The following RREB1 variants were observed in gnomAD, a reference collection of about 807,000 sequenced individuals.
RREB1 encodes ras-responsive element-binding protein 1.
A neutral mutation model predicts 117.8 loss-of-function variants in RREB1; 27 were observed. The ratio of observed to expected loss-of-function variants is 0.23; its 90% CI spans 0.17 to 0.32. The LOEUF (loss-of-function observed/expected upper bound fraction) is 0.32. Ranked by LOEUF, RREB1 falls within the 10% of genes least tolerant of loss-of-function variation. The pLI is 1.00. For synonymous variants in RREB1, 1,298 were observed against 1,026.7 expected, an observed-to-expected ratio of 1.26 and a Z score of -5.05; for missense variants, 2,577 against 2,378.2, an observed-to-expected ratio of 1.08 and a Z score of -1.74.
chr6:7,184,143 G>T (rs1160478252), intron 4 of RREB1, among the ~76,000 whole-genome samples: 8 of 151,892 alleles, frequency 5.3e-5, no homozygotes, highest in African/African-American at 1.9e-4. Context: ...GAGCCCAGGG[G>T]TTCAAGGCCA....
At chr6:7,216,179 G>C (rs1766889284) in intron 8 of RREB1, 1 of 152,298 alleles carries the variant, frequency 6.6e-6, no homozygotes, top group African/African-American at 2.4e-5. Context: ...GTTTGAGACA[G>C]GGTACGGGCT....
rs528514615 is a variant in RREB1, at chr6:7,221,408, A to G, written c.708-5059A>G. ...AGGATGGTCTCGATCTCCTGACCTC[A>G]TGATCCACCCGCCTCGGCCTCCCAA... On this transcript the variant is annotated intron_variant, in intron 8 of 12. Coordinates refer to ENST00000379938, the MANE Select transcript of RREB1 (RefSeq NM_001003699.4). Among the ~76,000 whole-genome samples the G allele has an allele frequency of 5.2e-3, 789 of 151,668 alleles. 10 individuals carry two copies. Among genetic ancestry groups the G allele is most frequent in the African/African-American group, 0.018 (747 of 41,336 alleles).
chr6:7,234,468 C>G (rs1280725257), intron 10 of RREB1, among the ~76,000 whole-genome samples: 1 of 152,102 alleles, frequency 6.6e-6, no homozygotes, highest in Non-Finnish European at 1.5e-5. Flanking sequence ...GATATGTGTT[C>G]CCATTTGTGA....
At chr6:7,243,341 G>C (rs367856196) in intron 11 of RREB1, among the ~76,000 whole-genome samples, 1 of 152,208 alleles carries the variant, frequency 6.6e-6, no homozygotes, top group Non-Finnish European at 1.5e-5. Flanking sequence ...GAGGAGCTGC[G>C]GGTTTATTAT....
At chr6:7,159,916 T>A (rs1027769905) in intron 1 of RREB1, among the ~76,000 whole-genome samples, 5 of 152,312 alleles carry the variant, frequency 3.3e-5, no homozygotes, top group South Asian at 2.1e-4. Context: ...ACTCTTGCAC[T>A]TGTCTACAGA....
rs564398821 is a variant in RREB1 at position 7,108,399 on chromosome 6, C to T, written c.-285+339C>T. ...CGGCTCTGCCAACCAGCTCCCAGCG[C>T]GAGCCGCCGCAGCGCCCCGCCAGCA... On this transcript the variant is annotated intron_variant, in intron 1 of 12. Coordinates refer to ENST00000379938, the MANE Select transcript of RREB1 (RefSeq NM_001003699.4). Among the ~76,000 whole-genome samples, 3 of 152,052 alleles carry T rather than the reference C, an allele frequency of 2.0e-5. No homozygotes were observed. The South Asian group carries it at 6.2e-4, about 32-fold the overall frequency.
chr6:7,160,707 A>T (rs1763615504), intron 1 of RREB1, among the ~76,000 whole-genome samples: 1 of 148,586 alleles, frequency 6.7e-6, no homozygotes, highest in Non-Finnish European at 1.5e-5. Context: ...TTTCTTTTTG[A>T]GACGGAGTCT....
intron 1 of RREB1, among the ~76,000 whole-genome samples, chr6:7,128,635 T>C (rs1762030302): frequency 6.6e-6 from 1 of 152,214 alleles, no homozygotes; most frequent in South Asian, 2.1e-4. Context: ...AATCTCAATA[T>C]ACGGTGATAC....
chr6:7,231,562 C>T lies in RREB1; in HGVS notation c.3463C>T (p.Arg1155Trp), dbSNP rs781624746. The change falls in exon 10 of 13, where the codon CGG (arginine) becomes TGG (tryptophan). Residue 1155 changes from arginine to tryptophan, a missense_variant. Physicochemically the swap from Arg to Trp is moderately radical, Grantham distance 101 (BLOSUM62 -3). Transcript: ENST00000379938. Reference protein sequence around the residue: ...GPAGTSKKRGRKRGMRSRPRA... With the variant: ...GPAGTSKKRGWKRGMRSRPRA... Reference sequence around the variant, plus strand: ...AGCGGGCACGTCGAAGAAGAGGGGCCGGAAAAGGGGGATGAGGAGCCGACC... The same window carrying T: ...AGCGGGCACGTCGAAGAAGAGGGGCTGGAAAAGGGGGATGAGGAGCCGACC... 15 of 1,610,414 alleles carry T rather than the reference C, an allele frequency of 9.3e-6. No individual in the cohort carries two copies. In the East Asian group the frequency reaches 1.1e-4, roughly 12 times the overall value.
chr6:7,222,571 C>T (rs1319361705), intron 8 of RREB1, among the ~76,000 whole-genome samples: 2 of 152,178 alleles, frequency 1.3e-5, no homozygotes, highest in East Asian at 1.9e-4. Flanking sequence ...TCACCTACTA[C>T]GTATGAAGGT....
rs541546113 is a variant in RREB1, at chr6:7,231,445, ACCCCCGCTG to A, written c.3349_3357del (p.Pro1117_Ala1119del). The A allele has an allele frequency of 9.2e-5, 148 of 1,609,248 alleles. No individual in the cohort carries two copies. The African/African-American group carries it at 1.7e-3, about 19-fold the overall frequency. The stretch of plus-strand genomic sequence containing the variant: ...TGTCCCCAAAGCCGCCACCACCGCC[ACCCCCGCTG>A]CCACCACCAGCCCAAAAGAGTCTAG... On this transcript the variant is annotated inframe_deletion, in exon 10 of 13. Transcript: ENST00000379938.
chr6:7,122,556 G>A (rs568384565), intron 1 of RREB1, among the ~76,000 whole-genome samples: 5 of 152,274 alleles, frequency 3.3e-5, no homozygotes, highest in South Asian at 2.1e-4. Flanking sequence ...ATGAGCCACC[G>A]CGCCTGGCCC....
intron 1 of RREB1, among the ~76,000 whole-genome samples, chr6:7,121,696 C>T (rs1056742695): frequency 6.6e-6 from 1 of 151,974 alleles, no homozygotes; most frequent in East Asian, 1.9e-4. Flanking sequence ...ATTTAAATAC[C>T]TCTGGTGATG....
intron 6 of RREB1, among the ~76,000 whole-genome samples, chr6:7,208,729 G>A (rs1270309465): frequency 1.3e-5 from 2 of 152,262 alleles, no homozygotes; most frequent in African/African-American, 4.8e-5. Context: ...AGGTGGGAAT[G>A]TTCTATGCCT....
chr6:7,170,704 T>C (rs1199648719), intron 1 of RREB1, among the ~76,000 whole-genome samples: 1 of 152,232 alleles, frequency 6.6e-6, no homozygotes, highest in African/African-American at 2.4e-5. Flanking sequence ...TCATTTATTA[T>C]TATTTTTTAT....
chr6:7,172,097 T>C (rs1031707962), intron 1 of RREB1, among the ~76,000 whole-genome samples: 5 of 151,940 alleles, frequency 3.3e-5, no homozygotes, highest in African/African-American at 1.2e-4. Context: ...AGGAGGGTGC[T>C]ACCATACCTG....
At chr6:7,150,266 A>AATAG (rs1453675289) in intron 1 of RREB1, among the ~76,000 whole-genome samples, 3 of 152,174 alleles carry the variant, frequency 2.0e-5, no homozygotes, top group Admixed American at 6.5e-5. Context: ...TAATCAGATT[A>AATAG]ATAGATACAT....
intron 12 of RREB1, 140 bp downstream of exon 12, chr6:7,247,361 A>C (rs953511621): frequency 1.1e-5 from 8 of 745,710 alleles, no homozygotes; most frequent in Admixed American, 8.8e-5. Context: ...AAGCCCGTGA[A>C]CTAGGAGTTT....
In RREB1 at chr6:7,229,122, A is replaced by G; in HGVS notation, c.1023A>G (p.Ala341=). Residue 341 remains alanine (A), a synonymous_variant, in exon 10 of 13, where the codon GCA becomes GCG. Transcript: ENST00000379938. This position sits in a 1 kb window ranked among gnomAD's most constrained non-coding sequence, Gnocchi z 4.5. ...TGCACAAGCAGACCCATGTGGCGGC[A>G]GACCAGGGTCAAGAAAAGCCGCAGG... ...LALHKQTHVA[A]DQGQEKPQAT... 1 of 1,608,174 alleles carries G rather than the reference A, an allele frequency of 6.2e-7. No individual in the cohort carries two copies. The highest frequency in any genetic ancestry group is 8.5e-7 in the Non-Finnish European group (1 of 1,175,374).
Sources: allele counts gnomAD v4.1 joint callset (sites outside exome capture counted in the v4.1 genomes callset), GRCh38; gene constraint gnomAD v4.1.1; non-coding constraint Gnocchi (gnomAD v3.1); transcripts MANE v1.5; gene names NCBI Gene and HGNC (gene_info 2026-07-23, HGNC 2026-07-21).